Variants in ATF2 observed in about 807,000 individuals in gnomAD.
The protein encoded by ATF2 is activating transcription factor 2.
In ATF2, 24 loss-of-function variants were observed where a neutral mutation model predicts 60.6. The observed-to-expected ratio is 0.40, with a 90% confidence interval of 0.29 to 0.56. ATF2 has a LOEUF of 0.56. ATF2 is among the 20% of genes least tolerant of loss of function. ATF2 has a pLI of 0.54. For synonymous variants in ATF2, 206 were observed against 215.4 expected (o/e 0.96, Z 0.38); for missense variants, 433 against 607.7 (o/e 0.71, Z 3.02).
chr2:175,077,130 T>C (rs1416397535), intron 13 of ATF2, among the ~76,000 whole-genome samples: 2 of 152,078 alleles, frequency 1.3e-5, no homozygotes, highest in Non-Finnish European at 2.9e-5. Flanking sequence ...CATGAACTCA[T>C]CATTTTTTAT....
chr2:175,141,010 A>T (rs1698473087), intron 2 of ATF2, among the ~76,000 whole-genome samples: 1 of 99,382 alleles, frequency 1.0e-5, no homozygotes, highest in Non-Finnish European at 1.9e-5. Context: ...AAAAAAAAAA[A>T]AAAAAAAAAA....
intron 1 of ATF2, among the ~76,000 whole-genome samples, chr2:175,156,370 C>CAAA (rs1699682634): frequency 1.2e-4 from 2 of 16,658 alleles, no homozygotes; most frequent in Non-Finnish European, 2.2e-4. Flanking sequence ...GACTCTGTCT[C>CAAA]AAAAAACAAA....
At chr2:175,097,365 T>C in intron 11 of ATF2, 79 bp downstream of exon 11, 2 of 1,542,426 alleles carry the variant, frequency 1.3e-6, no homozygotes, top group Non-Finnish European at 1.8e-6. Flanking sequence ...AGTAATATTT[T>C]TTAAATAAGC....
intron 10 of ATF2, among the ~76,000 whole-genome samples, chr2:175,100,654 G>A (rs569306813): frequency 3.9e-5 from 6 of 152,306 alleles, no homozygotes; most frequent in African/African-American, 9.6e-5. Context: ...CCTGGCATGC[G>A]TATACTGGTC....
chr2:175,120,315 T>C (rs2105712805), intron 5 of ATF2, among the ~76,000 whole-genome samples: 1 of 151,696 alleles, frequency 6.6e-6, no homozygotes. Flanking sequence ...AAAAAAGCAT[T>C]ATCTCACTCT....
intron 1 of ATF2, among the ~76,000 whole-genome samples, chr2:175,163,572 C>A (rs1700153655): frequency 6.6e-6 from 1 of 151,826 alleles, no homozygotes; most frequent in African/African-American, 2.4e-5. Flanking sequence ...TAGGCAAAGC[C>A]CCCAAAACAT....
intron 9 of ATF2, among the ~76,000 whole-genome samples, chr2:175,113,448 G>GT (rs1232990655): frequency 2.0e-5 from 3 of 152,008 alleles, no homozygotes; most frequent in Non-Finnish European, 2.9e-5. Context: ...TAAGTAGATA[G>GT]TTAACTATTT....
intron 2 of ATF2, among the ~76,000 whole-genome samples, chr2:175,136,723 C>T (rs11900076): frequency 0.097 from 14,781 of 152,028 alleles, 808 homozygotes; most frequent in Middle Eastern, 0.17. Flanking sequence ...GTGGAAGAAA[C>T]ATTTAATTCA....
chr2:175,122,851 G>C (rs978005047), intron 4 of ATF2, among the ~76,000 whole-genome samples: 9 of 151,962 alleles, frequency 5.9e-5, no homozygotes, highest in African/African-American at 2.2e-4. Context: ...ATCAATCTGA[G>C]GGGGCTAAAA....
At chr2:175,139,663 C>CAAAAAAAA (rs201481065) in intron 2 of ATF2, among the ~76,000 whole-genome samples, 1 of 80,136 alleles carries the variant, frequency 1.2e-5, no homozygotes, top group Non-Finnish European at 2.6e-5. Flanking sequence ...GACTCCATCT[C>CAAAAAAAA]AAAAAAAAAA....
At chr2:175,167,696 G>A (rs537521492) in intron 1 of ATF2, 1 of 501,716 alleles carries the variant, frequency 2.0e-6, no homozygotes, top group Non-Finnish European at 4.1e-6. Flanking sequence ...GAGGACCTCT[G>A]AACTGACCCA....
intron 10 of ATF2, among the ~76,000 whole-genome samples, chr2:175,106,954 A>C (rs1028690546): frequency 2.0e-5 from 3 of 152,194 alleles, no homozygotes; most frequent in Non-Finnish European, 4.4e-5. Flanking sequence ...GCCTGAGCTC[A>C]GGAGTTCAAG....
At chr2:175,077,310 C>T (rs1260030797) in intron 13 of ATF2, among the ~76,000 whole-genome samples, 1 of 152,144 alleles carries the variant, frequency 6.6e-6, no homozygotes, top group East Asian at 1.9e-4. Flanking sequence ...TGGGTATATA[C>T]CCAGTAATGG....
At chr2:175,109,833 G>C (rs975460095) in intron 10 of ATF2, among the ~76,000 whole-genome samples, 4 of 152,176 alleles carry the variant, frequency 2.6e-5, no homozygotes, top group Non-Finnish European at 4.4e-5. Context: ...ATTCATCTTA[G>C]TATTTCCAAA....
chr2:175,082,296 T>G (rs1222314787), intron 12 of ATF2, among the ~76,000 whole-genome samples: 1 of 152,216 alleles, frequency 6.6e-6, no homozygotes, highest in African/African-American at 2.4e-5. Context: ...AATATTGTAT[T>G]TGAGGCAAGA....
At chr2:175,164,733 T>G (rs1476713846) in intron 1 of ATF2, among the ~76,000 whole-genome samples, 1 of 152,160 alleles carries the variant, frequency 6.6e-6, no homozygotes, top group African/African-American at 2.4e-5. Context: ...ACATTAAAAC[T>G]TACATAAAGA....
At chr2:175,083,482 CA>C (rs1320188660) in intron 12 of ATF2, among the ~76,000 whole-genome samples, 1 of 152,108 alleles carries the variant, frequency 6.6e-6, no homozygotes, top group Non-Finnish European at 1.5e-5. Flanking sequence ...CTTACTTATA[CA>C]AAAATTAACT....
intron 10 of ATF2, among the ~76,000 whole-genome samples, chr2:175,110,133 G>A (rs1696069946): frequency 1.3e-5 from 2 of 152,032 alleles, no homozygotes; most frequent in South Asian, 2.1e-4. Context: ...TCAGGAGTTC[G>A]AGACCAGTCT....
chr2:175,166,196 T>C (rs925167537), intron 1 of ATF2, among the ~76,000 whole-genome samples: 2 of 152,174 alleles, frequency 1.3e-5, no homozygotes, highest in Admixed American at 6.5e-5. Flanking sequence ...ACAATTAAAA[T>C]ACATAACAAC....
Sources: allele counts gnomAD v4.1 joint callset (sites outside exome capture counted in the v4.1 genomes callset), GRCh38; gene constraint gnomAD v4.1.1; transcripts MANE v1.5; gene names NCBI Gene and HGNC (gene_info 2026-07-23, HGNC 2026-07-21).